Variants in STAG1 observed in about 807,000 individuals in gnomAD.
The protein encoded by STAG1 is STAG1 cohesin complex component, also known as cohesin subunit SA-1.
In STAG1, 26 loss-of-function variants were observed where a neutral mutation model predicts 170.9. That is an observed-to-expected ratio of 0.15 (90% CI 0.11 to 0.21). The LOEUF is 0.21. STAG1 is among the 10% of genes least tolerant of loss of function. The probability of loss-of-function intolerance (pLI) is 1.00; values close to 1 mark genes in which losing one functional copy is unlikely to be tolerated. For missense variants in STAG1, 964 were observed against 1,509.5 expected, an observed-to-expected ratio of 0.64 and a Z score of 5.99; for synonymous variants, 514 against 497.7, an observed-to-expected ratio of 1.03 and a Z score of -0.44.
intron 6 of STAG1, among the ~76,000 whole-genome samples, chr3:136,527,621 C>G (rs1165539634): frequency 6.6e-6 from 1 of 152,190 alleles, no homozygotes; most frequent in Non-Finnish European, 1.5e-5. Flanking sequence ...TGTTCCGTTA[C>G]TGACGAGGAG....
chr3:136,543,122 A>G (rs942585859), intron 5 of STAG1, among the ~76,000 whole-genome samples: 2 of 152,308 alleles, frequency 1.3e-5, no homozygotes, highest in African/African-American at 4.8e-5. Context: ...CTAGAAAGAT[A>G]CTCTAGTAAA....
intron 15 of STAG1, among the ~76,000 whole-genome samples, chr3:136,440,583 T>C (rs2088600005): frequency 6.6e-6 from 1 of 152,048 alleles, no homozygotes; most frequent in Admixed American, 6.6e-5. Context: ...GGAAAATGAA[T>C]GGAACCTACC....
chr3:136,626,572 T>C lies in STAG1; in HGVS notation c.30-3324A>G, dbSNP rs138289998. Among the ~76,000 whole-genome samples the C allele has an allele frequency of 9.5e-3, 1,450 of 152,322 alleles. 84 individuals are homozygous for C. Among genetic ancestry groups the C allele is most frequent in the Admixed American group, 0.079 (1,204 of 15,302 alleles). On this transcript the variant is annotated intron_variant, in intron 2 of 33. Coordinates refer to ENST00000383202, the MANE Select transcript of STAG1 (RefSeq NM_005862.3). ...ATATGCAAATTAATGGGTGTGGCTATGTTTCAACATTTTATTTAAAAGAGG... is the reference window on the plus strand; with the variant it reads ...ATATGCAAATTAATGGGTGTGGCTACGTTTCAACATTTTATTTAAAAGAGG...
chr3:136,470,881 G>A (rs2089608434), intron 12 of STAG1, among the ~76,000 whole-genome samples: 1 of 150,938 alleles, frequency 6.6e-6, no homozygotes, highest in Non-Finnish European at 1.5e-5. Flanking sequence ...ACTATCACAA[G>A]GACAAAAAAC....
intron 1 of STAG1, among the ~76,000 whole-genome samples, chr3:136,665,266 C>T (rs1307388525): frequency 6.6e-6 from 1 of 152,008 alleles, no homozygotes; most frequent in Non-Finnish European, 1.5e-5. Flanking sequence ...CTTTGAGGAC[C>T]TTGGAATGGG....
intron 1 of STAG1, among the ~76,000 whole-genome samples, chr3:136,639,168 C>A (rs568612676): frequency 7.1e-6 from 1 of 141,098 alleles, no homozygotes. Flanking sequence ...AGACTCCCAT[C>A]TCAAAAAAAG....
At chr3:136,394,607 C>G (rs996987159) in intron 22 of STAG1, among the ~76,000 whole-genome samples, 2 of 151,716 alleles carry the variant, frequency 1.3e-5, no homozygotes, top group Admixed American at 6.6e-5. Context: ...GAAACCCCAT[C>G]TCTACAAAAA....
chr3:136,364,798 G>T lies in STAG1; in HGVS notation c.2686-1331C>A, dbSNP rs143292968. Among the ~76,000 whole-genome samples the T allele has an allele frequency of 6.5e-3, 987 of 152,228 alleles. 10 individuals carry two copies. Among genetic ancestry groups the T allele is most frequent in the African/African-American group, 0.023 (958 of 41,540 alleles). The stretch of plus-strand genomic sequence containing the variant: ...AGCTAAAGTCTACAGCCTATGTGAA[G>T]AAGTGATTAATAATAGTTTGGCAAT... On this transcript the variant is annotated intron_variant, in intron 25 of 33. Transcript: ENST00000383202.
rs796842455 is a variant in STAG1 at position 136,441,964 on chromosome 3, G to T, written c.1546+1323C>A. On this transcript the variant is annotated intron_variant, in intron 15 of 33. Coordinates refer to ENST00000383202, the MANE Select transcript of STAG1 (RefSeq NM_005862.3). ...TGTAATTCAAGCACTATGGTAGGCCGAGGCGGGAGGATCACCTGAGCTCAG... is the reference window on the plus strand; with the variant it reads ...TGTAATTCAAGCACTATGGTAGGCCTAGGCGGGAGGATCACCTGAGCTCAG... 5.3e-5 allele frequency among the ~76,000 whole-genome samples: 8 copies of T among 152,270 alleles called. No homozygotes were observed. In the South Asian group the frequency reaches 1.5e-3, roughly 28 times the overall value.
intron 6 of STAG1, among the ~76,000 whole-genome samples, chr3:136,527,878 C>T (rs534458418): frequency 1.3e-5 from 2 of 152,204 alleles, no homozygotes; most frequent in Non-Finnish European, 1.5e-5. Context: ...TGGGTATCAG[C>T]AGCGGATGCT....
At chr3:136,600,880 GTTTTGT>G (rs1938640612) in intron 4 of STAG1, among the ~76,000 whole-genome samples, 2 of 139,234 alleles carry the variant, frequency 1.4e-5, no homozygotes, top group South Asian at 4.7e-4. Context: ...GTTTTGTTTT[GTTTTGT>G]TTTGTTTTGT....
Position 136,604,438 on chromosome 3 carries a change from C to T in STAG1, c.168G>A (p.Glu56=). 1 of 1,608,968 alleles carries T rather than the reference C, an allele frequency of 6.2e-7. No homozygotes were observed. Among genetic ancestry groups the T allele is most frequent in the South Asian group, 1.1e-5 (1 of 89,764 alleles). ...TNKKPRKSPG[E]KSRIEAGIRG... Reference sequence around the variant, plus strand: ...TAATTCCAGCTTCAATTCTGCTCTTCTCACCTGGAGATTTTCGAGGTTTCT... The same window carrying T: ...TAATTCCAGCTTCAATTCTGCTCTTTTCACCTGGAGATTTTCGAGGTTTCT... Residue 56 remains glutamate (E), a synonymous_variant, in exon 4 of 34, where the codon GAG becomes GAA. Coordinates refer to ENST00000383202, the MANE Select transcript of STAG1 (RefSeq NM_005862.3).
rs1019390627 is a variant in STAG1 at position 136,616,284 on chromosome 3, G to A, written c.132+6862C>T. Among the ~76,000 whole-genome samples, 21 of 147,786 alleles carry A rather than the reference G, an allele frequency of 1.4e-4. No homozygotes were observed. In the East Asian group the frequency reaches 4.1e-3, roughly 29 times the overall value. ...ACTCCGTCTCAAAAAAAAAAAAAAA[G>A]TCATCAGACCTCAAATTTCAATAGA... On this transcript the variant is annotated intron_variant, in intron 3 of 33. Coordinates refer to ENST00000383202, the MANE Select transcript of STAG1 (RefSeq NM_005862.3).
intron 1 of STAG1, among the ~76,000 whole-genome samples, chr3:136,745,216 GGCCCATA>G (rs1355423068): frequency 6.6e-6 from 1 of 152,046 alleles, no homozygotes; most frequent in Non-Finnish European, 1.5e-5. Flanking sequence ...ACATCATTTT[GGCCCATA>G]GCACAAAGGA....
At chr3:136,616,175 A>C (rs1225682068) in intron 3 of STAG1, among the ~76,000 whole-genome samples, 1 of 151,964 alleles carries the variant, frequency 6.6e-6, no homozygotes, top group Non-Finnish European at 1.5e-5. Flanking sequence ...AGGCTGAGGC[A>C]GGAGAATGGC....
At chr3:136,689,683 T>C (rs763437449) in intron 1 of STAG1, among the ~76,000 whole-genome samples, 10 of 152,192 alleles carry the variant, frequency 6.6e-5, no homozygotes, top group Non-Finnish European at 1.5e-4. Flanking sequence ...GAGATCTGAC[T>C]GACAAGCTTT....
At chr3:136,729,390 C>T (rs1403352030) in intron 1 of STAG1, among the ~76,000 whole-genome samples, 8 of 151,926 alleles carry the variant, frequency 5.3e-5, no homozygotes, top group African/African-American at 1.9e-4. Context: ...GTGAATGGTA[C>T]CATGCTTATA....
At chr3:136,564,375 C>T (rs1221482393) in intron 5 of STAG1, among the ~76,000 whole-genome samples, 1 of 152,082 alleles carries the variant, frequency 6.6e-6, no homozygotes, top group Admixed American at 6.6e-5. Flanking sequence ...GTCTGCTTTC[C>T]CCCGCCACAG....
At chr3:136,528,496 C>CCT (rs1553740663) in intron 6 of STAG1, among the ~76,000 whole-genome samples, 1 of 55,336 alleles carries the variant, frequency 1.8e-5, no homozygotes, top group South Asian at 9.5e-4. Flanking sequence ...GTCCCCGCAC[C>CCT]CCCCCCCCCA....
Sources: allele counts gnomAD v4.1 joint callset (sites outside exome capture counted in the v4.1 genomes callset), GRCh38; gene constraint gnomAD v4.1.1; transcripts MANE v1.5; gene names NCBI Gene and HGNC (gene_info 2026-07-23, HGNC 2026-07-21).